Variants in ANK3 observed in about 807,000 individuals in gnomAD.
ANK3 encodes the protein ankyrin-3.
In ANK3, 57 loss-of-function variants were observed where a neutral mutation model predicts 370.9. The ratio of observed to expected loss-of-function variants is 0.15; its 90% CI spans 0.12 to 0.19. The LOEUF is 0.19. Ranked by LOEUF, ANK3 falls within the 10% of genes least tolerant of loss-of-function variation. The pLI is 1.00. For synonymous variants in ANK3, 1,929 were observed against 1,946.3 expected (o/e 0.99, Z 0.23); for missense variants, 4,439 against 5,302.1 (o/e 0.84, Z 5.06).
At chr10:60,382,911 C>T (rs1265325037) in intron 1 of ANK3, among the ~76,000 whole-genome samples, 2 of 150,516 alleles carry the variant, frequency 1.3e-5, no homozygotes, top group African/African-American at 4.9e-5. Flanking sequence ...AAGGAATATA[C>T]AAATCTAGAT....
chr10:60,590,748 A>G (rs1232809087), intron 2 of ANK3, among the ~76,000 whole-genome samples: 1 of 152,246 alleles, frequency 6.6e-6, no homozygotes, highest in Non-Finnish European at 1.5e-5. Context: ...ACCTACTCAC[A>G]TGTTCCTGCA....
At chr10:60,524,872 C>T (rs745723138) in intron 2 of ANK3, among the ~76,000 whole-genome samples, 3 of 152,058 alleles carry the variant, frequency 2.0e-5, no homozygotes, top group Non-Finnish European at 2.9e-5. Context: ...CATGAACCCA[C>T]AGTTCACTTG....
In ANK3 at chr10:60,228,649, TTTTATC is replaced by T. The variant is rs2097199797; in HGVS notation, c.897+6033_897+6038del. On this transcript the variant is annotated intron_variant, in intron 8 of 43. Transcript: ENST00000280772. ...TAATTTACAAAACACTAATAACTTC[TTTTATC>T]TTTATCTTTCCTTTGAGGAAGGAGG... Among the ~76,000 whole-genome samples the T allele has an allele frequency of 2.6e-5, 4 of 152,178 alleles. No homozygotes were observed. In the South Asian group the frequency reaches 8.3e-4, roughly 32 times the overall value.
intron 1 of ANK3, among the ~76,000 whole-genome samples, chr10:60,382,273 G>A (rs545448879): frequency 6.6e-6 from 1 of 152,146 alleles, no homozygotes; most frequent in South Asian, 2.1e-4. Context: ...CTGTGGTGAT[G>A]GTATTAGTAG....
At chr10:60,628,874 C>A (rs975508206) in intron 1 of ANK3, among the ~76,000 whole-genome samples, 70 of 152,202 alleles carry the variant, frequency 4.6e-4, no homozygotes, top group African/African-American at 1.6e-3. Context: ...ACATGCCTAA[C>A]ATTTCCAATT....
At chr10:60,674,624 A>T (rs949832449) in intron 1 of ANK3, among the ~76,000 whole-genome samples, 6 of 152,188 alleles carry the variant, frequency 3.9e-5, no homozygotes, top group Non-Finnish European at 5.9e-5. Flanking sequence ...TTTGGAGGAG[A>T]CAAACATCCA....
intron 25 of ANK3, among the ~76,000 whole-genome samples, chr10:60,120,243 G>GA (rs1202833844): frequency 6.6e-6 from 1 of 152,074 alleles, no homozygotes; most frequent in African/African-American, 2.4e-5. Context: ...ATGATGCTGG[G>GA]AAAATCAGAT....
chr10:60,475,476 G>A (rs7089985), intron 2 of ANK3, among the ~76,000 whole-genome samples: 9 of 151,836 alleles, frequency 5.9e-5, no homozygotes, highest in Non-Finnish European at 1.3e-4. Flanking sequence ...ATTTCAGAGC[G>A]GACAATAGAA....
At chr10:60,430,844 C>T (rs2064004285) in intron 2 of ANK3, among the ~76,000 whole-genome samples, 1 of 152,148 alleles carries the variant, frequency 6.6e-6, no homozygotes, top group South Asian at 2.1e-4. Flanking sequence ...TCTACTATCT[C>T]TTAGCTGTGT....
chr10:60,279,030 A>T lies in ANK3; in HGVS notation c.315+20T>A, dbSNP rs761123146. On this transcript the variant is annotated intron_variant, in intron 3 of 43. Transcript: ENST00000280772. ...GAACATGGCGAGTGGTTCAAAAAGC[A>T]TTAAATATGTGATACTGACCTTTGT... 1.2e-6 allele frequency: 2 copies of T among 1,612,090 alleles called. No homozygotes were observed. The highest frequency in any genetic ancestry group is 1.7e-6 in the Non-Finnish European group (2 of 1,178,298).
intron 2 of ANK3, among the ~76,000 whole-genome samples, chr10:60,500,551 C>A (rs1478518972): frequency 6.6e-6 from 1 of 152,156 alleles, no homozygotes; most frequent in Non-Finnish European, 1.5e-5. Context: ...AGTGCAGATA[C>A]TCTAAAATAA....
intron 16 of ANK3, among the ~76,000 whole-genome samples, chr10:60,193,490 T>C (rs2096530499): frequency 7.5e-6 from 1 of 133,258 alleles, no homozygotes; most frequent in Non-Finnish European, 1.6e-5. Flanking sequence ...ACCCCATCTC[T>C]ACTAAAAATA....
chr10:60,362,086 C>A (rs2058694204), intron 1 of ANK3, among the ~76,000 whole-genome samples: 1 of 152,158 alleles, frequency 6.6e-6, no homozygotes, highest in African/African-American at 2.4e-5. Flanking sequence ...ACACAGCCTA[C>A]TTGATATGCC....
At chr10:60,377,073 A>T (rs866493620) in intron 1 of ANK3, among the ~76,000 whole-genome samples, 2 of 152,318 alleles carry the variant, frequency 1.3e-5, no homozygotes, top group Middle Eastern at 3.4e-3. Flanking sequence ...AGGACAGGCA[A>T]ATGTATTTTG....
intron 1 of ANK3, among the ~76,000 whole-genome samples, chr10:60,369,731 G>T (rs1182615373): frequency 6.6e-6 from 1 of 152,116 alleles, no homozygotes; most frequent in Non-Finnish European, 1.5e-5. Flanking sequence ...AATGAACTGT[G>T]AACTGTTCTC....
intron 1 of ANK3, among the ~76,000 whole-genome samples, chr10:60,682,376 G>T (rs1205681233): frequency 6.8e-6 from 1 of 146,692 alleles, no homozygotes. Context: ...TTTAAAACAA[G>T]AAACAACTTC....
Position 60,085,174 on chromosome 10 carries a change from T to C in ANK3, c.3828A>G (p.Thr1276=). The change falls in exon 31 of 44, where the codon ACA becomes ACG. Residue 1276 remains threonine, a synonymous_variant. Transcript: ENST00000280772. ...LTFIKDCVSF[T]TNVSARFWLA... The stretch of plus-strand genomic sequence containing the variant: ...TTCCATACCTGGCTGAAACATTGGT[T>C]GTAAAGGAGACACAATCTTTTATAA... The C allele has an allele frequency of 6.2e-7, 1 of 1,612,538 alleles. No homozygotes were observed. The highest frequency in any genetic ancestry group is 8.5e-7 in the Non-Finnish European group (1 of 1,179,310).
intron 43 of ANK3, among the ~76,000 whole-genome samples, chr10:60,033,923 G>A (rs1213222714): frequency 4.6e-5 from 7 of 152,160 alleles, no homozygotes; most frequent in Admixed American, 2.0e-4. Context: ...AGAAGTTTTC[G>A]GGATGGGGCC....
At chr10:60,701,193 T>A (rs2079541109) in intron 1 of ANK3, among the ~76,000 whole-genome samples, 2 of 152,070 alleles carry the variant, frequency 1.3e-5, no homozygotes, top group African/African-American at 4.8e-5. Flanking sequence ...ACTGCCAATA[T>A]ATGATTATTT....
Sources: gnomAD v4.1 joint callset for allele counts (sites outside exome capture counted in the v4.1 genomes callset) on GRCh38, gnomAD v4.1.1 for gene constraint, MANE v1.5 for transcripts, NCBI Gene and HGNC (gene_info 2026-07-23, HGNC 2026-07-21) for gene names.